Variants in PLCL1 observed in about 807,000 individuals in gnomAD.
The protein encoded by PLCL1 is inactive phospholipase C-like protein 1.
A neutral mutation model predicts 84.4 loss-of-function variants in PLCL1; 41 were observed. That is an observed-to-expected ratio of 0.49 (90% CI 0.38 to 0.63). PLCL1 has a LOEUF of 0.63. PLCL1 is among the 30% of genes least tolerant of loss of function. The probability of loss-of-function intolerance (pLI) is 0.00; values close to 1 mark genes in which losing one functional copy is unlikely to be tolerated. For synonymous variants in PLCL1, 490 were observed against 488.3 expected (o/e 1.00, Z -0.05); for missense variants, 1,206 against 1,367.8 (o/e 0.88, Z 1.87).
At chr2:197,826,788 A>C (rs2106422018) in intron 1 of PLCL1, among the ~76,000 whole-genome samples, 1 of 152,308 alleles carries the variant, frequency 6.6e-6, no homozygotes, top group East Asian at 1.9e-4. Context: ...GCTGAGCTCC[A>C]AGCCAGGTGC....
chr2:197,922,957 C>A (rs1382617863), intron 1 of PLCL1, among the ~76,000 whole-genome samples: 1 of 113,046 alleles, frequency 8.8e-6, no homozygotes, highest in Non-Finnish European at 1.9e-5. Context: ...GGGGGGCTGA[C>A]CCCCCCACCT....
At chr2:197,955,703 G>A (rs1689474782) in intron 1 of PLCL1, among the ~76,000 whole-genome samples, 2 of 151,876 alleles carry the variant, frequency 1.3e-5, no homozygotes, top group South Asian at 2.1e-4. Context: ...CCATGTGCCG[G>A]CAAAGGACAT....
intron 5 of PLCL1, among the ~76,000 whole-genome samples, chr2:198,128,552 A>G (rs1327421870): frequency 6.6e-6 from 1 of 152,142 alleles, no homozygotes; most frequent in South Asian, 2.1e-4. Flanking sequence ...TGGGCATCAC[A>G]GGATCAGATG....
At chr2:198,060,266 G>A (rs1692160555) in intron 1 of PLCL1, among the ~76,000 whole-genome samples, 1 of 152,136 alleles carries the variant, frequency 6.6e-6, no homozygotes, top group Non-Finnish European at 1.5e-5. Context: ...AAGTGACTAC[G>A]GTAATGGGCA....
At position 197,872,842 on chromosome 2, in the gene PLCL1, C is replaced by T. The variant is rs1687672132; in HGVS notation, c.240+67503C>T. 2.0e-5 allele frequency among the ~76,000 whole-genome samples: 3 copies of T among 152,110 alleles called. No individual in the cohort carries two copies. The South Asian group carries it at 6.2e-4, about 31-fold the overall frequency. On this transcript the variant is annotated intron_variant, in intron 1 of 5. Transcript: ENST00000428675. ...AAGACAATAACTACAGGATGACAGG[C>T]TGAGTAAAATTATTTGCATAATAAC...
At chr2:197,936,527 C>G (rs1291390292) in intron 1 of PLCL1, among the ~76,000 whole-genome samples, 1 of 152,132 alleles carries the variant, frequency 6.6e-6, no homozygotes, top group Non-Finnish European at 1.5e-5. Context: ...TTTTCATATA[C>G]CCGTTGGCCA....
At chr2:198,035,487 T>G (rs1474533127) in intron 1 of PLCL1, among the ~76,000 whole-genome samples, 3 of 152,192 alleles carry the variant, frequency 2.0e-5, no homozygotes, top group Non-Finnish European at 4.4e-5. Flanking sequence ...TTTTGTTTGT[T>G]TGTTTGTTTT....
intron 1 of PLCL1, among the ~76,000 whole-genome samples, chr2:197,849,022 T>C (rs951257885): frequency 3.3e-5 from 5 of 152,178 alleles, no homozygotes; most frequent in Admixed American, 3.3e-4. Context: ...GAATTGACAA[T>C]GAAGACTTGG....
chr2:197,935,799 A>G (rs1016971927), intron 1 of PLCL1, among the ~76,000 whole-genome samples: 1 of 152,158 alleles, frequency 6.6e-6, no homozygotes, highest in African/African-American at 2.4e-5. Context: ...AATTTCAGCT[A>G]TACCATATGT....
intron 1 of PLCL1, among the ~76,000 whole-genome samples, chr2:197,878,329 G>T (rs1687773415): frequency 2.0e-5 from 3 of 152,088 alleles, no homozygotes. Context: ...AATGAACAAA[G>T]CAAGGGTGGC....
chr2:198,083,461 G>A (rs1348818868), intron 1 of PLCL1, among the ~76,000 whole-genome samples: 1 of 152,186 alleles, frequency 6.6e-6, no homozygotes, highest in African/African-American at 2.4e-5. Flanking sequence ...CGAGGCACCA[G>A]CATGAGGTTC....
At chr2:197,909,328 C>CT (rs796675884) in intron 1 of PLCL1, among the ~76,000 whole-genome samples, 1,799 of 146,714 alleles carry the variant, frequency 0.012, 27 homozygotes, top group African/African-American at 0.036. Flanking sequence ...TTCTTTTTCT[C>CT]TTTTTTTTTT....
chr2:197,886,152 C>T (rs1378368899), intron 1 of PLCL1, among the ~76,000 whole-genome samples: 2 of 152,054 alleles, frequency 1.3e-5, no homozygotes, highest in Non-Finnish European at 1.5e-5. Context: ...TGGCTCACGC[C>T]TGTAATCCCA....
rs182866864 is a variant in PLCL1, at chr2:197,867,814, A to G, written c.240+62475A>G. Among the ~76,000 whole-genome samples the G allele has an allele frequency of 8.0e-4, 122 of 152,242 alleles. 1 individual carries two copies. The highest frequency in any genetic ancestry group is 2.8e-3 in the African/African-American group (116 of 41,560). The stretch of plus-strand genomic sequence containing the variant: ...CCCCAACCAGACGTCCTTATCAGCA[A>G]TTCCTTAGAGATGTCACTCTGACTC... On this transcript the variant is annotated intron_variant, in intron 1 of 5. Transcript: ENST00000428675.
chr2:197,979,873 GC>G (rs1211430771), intron 1 of PLCL1, among the ~76,000 whole-genome samples: 2 of 152,168 alleles, frequency 1.3e-5, no homozygotes, highest in Non-Finnish European at 2.9e-5. Flanking sequence ...TCCTCAGAGA[GC>G]AGCCCCCTTT....
intron 1 of PLCL1, among the ~76,000 whole-genome samples, chr2:197,913,452 A>G (rs944418110): frequency 3.3e-5 from 5 of 152,206 alleles, no homozygotes; most frequent in South Asian, 2.1e-4. Context: ...ACCTAAGCCA[A>G]TGTGTCATGA....
rs557899017 is a variant in PLCL1, at chr2:197,873,540, C to T, written c.240+68201C>T. 2.0e-5 allele frequency among the ~76,000 whole-genome samples: 3 copies of T among 152,226 alleles called. No individual in the cohort carries two copies. In the South Asian group the frequency reaches 6.2e-4, roughly 32 times the overall value. On this transcript the variant is annotated intron_variant, in intron 1 of 5. Coordinates refer to ENST00000428675, the MANE Select transcript of PLCL1 (RefSeq NM_006226.4). Reference sequence around the variant, plus strand: ...AGCAAGCATGCTGGCTTTGCTACCCCCATCCATCTGGCTGAGTTTTATGCA... The same window carrying T: ...AGCAAGCATGCTGGCTTTGCTACCCTCATCCATCTGGCTGAGTTTTATGCA...
chr2:197,888,580 T>A (rs1687961675), intron 1 of PLCL1, among the ~76,000 whole-genome samples: 1 of 152,196 alleles, frequency 6.6e-6, no homozygotes, highest in Non-Finnish European at 1.5e-5. Context: ...ATAATTACAA[T>A]ACTTCCTCAT....
intron 1 of PLCL1, among the ~76,000 whole-genome samples, chr2:198,068,963 A>G (rs937457452): frequency 6.6e-6 from 1 of 152,110 alleles, no homozygotes; most frequent in Non-Finnish European, 1.5e-5. Flanking sequence ...TGAACCCAGG[A>G]GGCGGAGGTT....
Sources: gnomAD v4.1 joint callset for allele counts (sites outside exome capture counted in the v4.1 genomes callset) on GRCh38, gnomAD v4.1.1 for gene constraint, MANE v1.5 for transcripts, NCBI Gene and HGNC (gene_info 2026-07-23, HGNC 2026-07-21) for gene names.